The following SF3B1 variants were observed in gnomAD, a reference collection of about 807,000 sequenced individuals.
The protein encoded by SF3B1 is pre-mRNA processing 10.
Under a neutral mutation model 153.8 loss-of-function variants are expected in SF3B1, and 12 were observed. The observed-to-expected ratio is 0.08, with a 90% CI of 0.05 to 0.13. SF3B1 has a LOEUF of 0.13. Ranked by LOEUF, SF3B1 falls within the 10% of genes least tolerant of loss-of-function variation. The pLI, the probability that SF3B1 is intolerant of heterozygous loss-of-function variation, is 1.00. For missense variants in SF3B1, 513 were observed against 1,606.1 expected (o/e 0.32, Z 11.63); for synonymous variants, 498 against 525.2 (o/e 0.95, Z 0.71).
In SF3B1 at chr2:197,418,517, T is replaced by C; in HGVS notation, c.487A>G (p.Lys163Glu). The change falls in exon 5 of 25, where the codon AAA (lysine) becomes GAA (glutamate). Residue 163 changes from lysine (K) to glutamate (E), a missense_variant. Physicochemically the swap from Lys to Glu is moderately conservative, Grantham distance 56 (BLOSUM62 1). Around this residue, in one of 21 missense-constraint regions of SF3B1, gnomAD observed 45 missense variants for 65.5 expected, o/e 0.69. Coordinates refer to ENST00000335508, the MANE Select transcript of SF3B1 (RefSeq NM_012433.4). ...GAGACAGGTTTACATACTTCTTCTTTAGTCAAGTGTTGTTCTCGCATTACA... is the reference window on the plus strand; with the variant it reads ...GAGACAGGTTTACATACTTCTTCTTCAGTCAAGTGTTGTTCTCGCATTACA... ...MDVMREQHLT[K>E]EEREIRQQLA... The C allele has an allele frequency of 6.2e-7, 1 of 1,608,916 alleles. No homozygotes were observed. The highest frequency in any genetic ancestry group is 8.5e-7 in the Non-Finnish European group (1 of 1,176,034).
At chr2:197,422,044 A>C (rs1308648951) in intron 2 of SF3B1, among the ~76,000 whole-genome samples, 1 of 152,210 alleles carries the variant, frequency 6.6e-6, no homozygotes, top group Non-Finnish European at 1.5e-5. Context: ...AATAAAAAAT[A>C]AAAAGTGCAA....
At chr2:197,428,964 C>T (rs2085381466) in intron 1 of SF3B1, among the ~76,000 whole-genome samples, 1 of 151,522 alleles carries the variant, frequency 6.6e-6, no homozygotes, top group Non-Finnish European at 1.5e-5. Context: ...CAGTGAAACT[C>T]CATCTCAAAA....
chr2:197,420,014 C>T (rs550307933), intron 4 of SF3B1: 98 of 234,024 alleles, frequency 4.2e-4, no homozygotes, highest in African/African-American at 1.8e-3. Flanking sequence ...ATTTAGAGCA[C>T]TATGGGGGGA....
At chr2:197,394,276 T>G (rs980740650) in intron 23 of SF3B1, among the ~76,000 whole-genome samples, 1 of 152,182 alleles carries the variant, frequency 6.6e-6, no homozygotes, top group Non-Finnish European at 1.5e-5. Flanking sequence ...CTTGAGCTCC[T>G]GGGGTCAAGC....
At chr2:197,413,332 C>T (rs1444752271) in intron 6 of SF3B1, among the ~76,000 whole-genome samples, 1 of 152,116 alleles carries the variant, frequency 6.6e-6, no homozygotes, top group Admixed American at 6.5e-5. Flanking sequence ...GTCTGGGAGG[C>T]GGAGATTGCA....
chr2:197,416,980 C>G, intron 5 of SF3B1, 69 bp from the exon 6 acceptor site: 8 of 1,453,052 alleles, frequency 5.5e-6, no homozygotes, highest in Non-Finnish European at 6.6e-6. Context: ...AGCGCAATCA[C>G]TTCCACTTAA....
At position 197,409,999 on chromosome 2, in the gene SF3B1, C is replaced by T. The variant is rs1185501693; in HGVS notation, c.675G>A (p.Gly225=). 4 of 1,602,978 alleles carry T rather than the reference C, an allele frequency of 2.5e-6. No individual in the cohort carries two copies. Among genetic ancestry groups the T allele is most frequent in the Non-Finnish European group, 3.4e-6 (4 of 1,174,474 alleles). The change falls in exon 7 of 25, where the codon GGG becomes GGA. Residue 225 remains glycine, a synonymous_variant. Transcript: ENST00000335508. ...CATCCCATCTTAAGGAAGGAGTATG[C>T]CCAGGGGTCTTAAAAAAGCAAAAAA... The part of the protein sequence containing the change: ...LSSWDQAETP[G]HTPSLRWDET...
chr2:197,410,302 GA>G (rs2085049579), intron 6 of SF3B1, among the ~76,000 whole-genome samples: 1 of 152,104 alleles, frequency 6.6e-6, no homozygotes, highest in Admixed American at 6.6e-5. Context: ...GTGACTGGGG[GA>G]AATCACTGAG....
rs146599818 is a variant in SF3B1, at chr2:197,396,923, G to T, written c.3267-595C>A. ...AATAAATATTATGCTACCAAAATAG[G>T]AGAGGAATGAGTATGTGTTAGGGGA... On this transcript the variant is annotated intron_variant, in intron 22 of 24. Transcript: ENST00000335508. Among the ~76,000 whole-genome samples the T allele has an allele frequency of 4.8e-3, 729 of 152,322 alleles. 8 individuals are homozygous for T. Among genetic ancestry groups the T allele is most frequent in the African/African-American group, 0.016 (673 of 41,568 alleles).
intron 23 of SF3B1, among the ~76,000 whole-genome samples, chr2:197,393,673 G>C (rs1023250452): frequency 1.3e-5 from 2 of 151,744 alleles, no homozygotes; most frequent in African/African-American, 4.8e-5. Flanking sequence ...GGATGGTCTC[G>C]ATCTCTTGAC....
chr2:197,427,826 C>G (rs1448144173), intron 1 of SF3B1, among the ~76,000 whole-genome samples: 1 of 152,030 alleles, frequency 6.6e-6, no homozygotes, highest in East Asian at 1.9e-4. Flanking sequence ...CAGGATCAGC[C>G]TGGCCAAGAT....
chr2:197,409,710 T>C, intron 7 of SF3B1, 60 bp downstream of exon 7: 1 of 1,289,000 alleles, frequency 7.8e-7, no homozygotes, highest in Non-Finnish European at 1.1e-6. Context: ...AGAACACATT[T>C]CAGTCTGTAA....
intron 11 of SF3B1, among the ~76,000 whole-genome samples, chr2:197,404,558 G>A (rs1276513402): frequency 2.0e-5 from 3 of 151,870 alleles, no homozygotes; most frequent in Non-Finnish European, 4.4e-5. Flanking sequence ...GCCTGGGCAA[G>A]AGAGCAAGAC....
intron 1 of SF3B1, among the ~76,000 whole-genome samples, chr2:197,427,405 C>T (rs536783882): frequency 6.6e-6 from 1 of 152,310 alleles, no homozygotes; most frequent in Non-Finnish European, 1.5e-5. Flanking sequence ...ACACATACAC[C>T]ATGTGATCCA....
rs137864409 is a variant in SF3B1, at chr2:197,407,728, G to C, written c.1239+270C>G. Among the ~76,000 whole-genome samples the C allele has an allele frequency of 9.5e-4, 144 of 152,164 alleles. 1 individual carries two copies. The highest frequency in any genetic ancestry group is 8.5e-4 in the Non-Finnish European group (58 of 67,994). On this transcript the variant is annotated intron_variant, in intron 9 of 24. Transcript: ENST00000335508. ...TCTCAACGAGCTTATTCCTGGGACT[G>C]CTAGAAAACTGAAGCACCAGCAGTT... is the stretch of plus-strand genomic sequence containing the variant.
chr2:197,402,327 T>A lies in SF3B1; in HGVS notation c.2078-197A>T. On this transcript the variant is annotated intron_variant, in intron 14 of 24. Coordinates refer to ENST00000335508, the MANE Select transcript of SF3B1 (RefSeq NM_012433.4). This position sits in a 1 kb window ranked among gnomAD's most constrained non-coding sequence, Gnocchi z 4.6. ...ACAAACCCATCATAAAATCTATAGT[T>A]TGTAGAGCTATGCCTTTCCATTTAT... 2.8e-6 allele frequency: 2 copies of A among 723,694 alleles called. No homozygotes were observed. Among genetic ancestry groups the A allele is most frequent in the Non-Finnish European group, 4.4e-6 (2 of 450,652 alleles). 44.8% of individuals were successfully genotyped at this position (723,694 alleles called of 1,614,324 possible). A position where few individuals can be genotyped will look rare whatever the true frequency, so the allele number is the denominator to read the frequency against.
intron 1 of SF3B1, among the ~76,000 whole-genome samples, chr2:197,425,225 G>C (rs950208169): frequency 3.3e-5 from 5 of 152,356 alleles, no homozygotes; most frequent in African/African-American, 9.6e-5. Context: ...CAGCACTTCG[G>C]GAGGCCGAGG....
chr2:197,430,513 G>A (rs2565150), intron 1 of SF3B1, among the ~76,000 whole-genome samples: 1 of 152,218 alleles, frequency 6.6e-6, no homozygotes, highest in East Asian at 1.9e-4. Context: ...GAAGTGCAGT[G>A]GCACGATCTC....
chr2:197,423,793 T>C lies in SF3B1; in HGVS notation c.195+15A>G. ...CAAAAAAATAACTGCCTCTTGTACA[T>C]AATTTGTAACTTACATCTTCAAGTT... is the stretch of plus-strand genomic sequence containing the variant. On this transcript the variant is annotated intron_variant, in intron 2 of 24. Transcript: ENST00000335508. 5 of 1,611,234 alleles carry C rather than the reference T, an allele frequency of 3.1e-6. No individual in the cohort carries two copies. The highest frequency in any genetic ancestry group is 4.2e-6 in the Non-Finnish European group (5 of 1,179,018).
Sources: gnomAD v4.1 joint callset for allele counts (sites outside exome capture counted in the v4.1 genomes callset) on GRCh38, gnomAD v4.1.1 for gene constraint, gnomAD v4.1.1 regional missense constraint, Gnocchi (gnomAD v3.1) non-coding constraint, MANE v1.5 for transcripts, NCBI Gene and HGNC (gene_info 2026-07-23, HGNC 2026-07-21) for gene names.